The following SLC9A3 variants were observed in gnomAD, a reference collection of about 807,000 sequenced individuals.
SLC9A3 encodes the protein solute carrier family 9 member A3.
SLC9A3 carries 37 observed loss-of-function variants against 86.8 expected under a neutral mutation model. The observed-to-expected ratio is 0.43, with a 90% CI of 0.33 to 0.56. The LOEUF (loss-of-function observed/expected upper bound fraction) is 0.56, where lower values mean the gene tolerates loss of function less well. SLC9A3 is among the 20% of genes least tolerant of loss of function. The pLI, the probability that SLC9A3 is intolerant of heterozygous loss-of-function variation, is 0.06. For synonymous variants in SLC9A3, 581 were observed against 528.3 expected (o/e 1.10, Z -1.37); for missense variants, 1,011 against 1,171.9 (o/e 0.86, Z 2.00).
intron 2 of SLC9A3, among the ~76,000 whole-genome samples, chr5:489,334 C>T (rs1384119200): frequency 6.6e-6 from 1 of 152,170 alleles, no homozygotes; most frequent in Non-Finnish European, 1.5e-5. Context: ...GAGGGGGAGG[C>T]CCCCGACGAG....
At chr5:489,814 C>T (rs533132903) in intron 2 of SLC9A3, among the ~76,000 whole-genome samples, 89 of 152,330 alleles carry the variant, frequency 5.8e-4, no homozygotes, top group Middle Eastern at 3.4e-3. Context: ...TCAGACTCCC[C>T]GGCCGGCAGC....
chr5:504,394 C>T lies in SLC9A3; in HGVS notation c.212-12323G>A, dbSNP rs570828725. On this transcript the variant is annotated intron_variant, in intron 1 of 16. Transcript: ENST00000264938. The stretch of plus-strand genomic sequence containing the variant: ...CCGGGGCTGCAGCCAGGGCCCAGGG[C>T]GGTGGACATGCAGGGTCCAGGACTG... Among the ~76,000 whole-genome samples the T allele has an allele frequency of 1.6e-3, 241 of 152,348 alleles. 3 individuals are homozygous for T. The highest frequency in any genetic ancestry group is 1.5e-3 in the Non-Finnish European group (100 of 68,034).
At chr5:494,386 G>C (rs1739928122) in intron 1 of SLC9A3, among the ~76,000 whole-genome samples, 1 of 152,196 alleles carries the variant, frequency 6.6e-6, no homozygotes, top group African/African-American at 2.4e-5. Context: ...GGGCCTGCGA[G>C]GGGAAGGCTG....
At chr5:510,583 T>C (rs1469650308) in intron 1 of SLC9A3, among the ~76,000 whole-genome samples, 1 of 152,214 alleles carries the variant, frequency 6.6e-6, no homozygotes, top group Admixed American at 6.5e-5. Flanking sequence ...CATGGATGCA[T>C]GAGCTCTCTG....
At chr5:482,786 C>A in intron 6 of SLC9A3, 36 bp from the exon 7 acceptor site, 1 of 1,535,424 alleles carries the variant, frequency 6.5e-7, no homozygotes, top group Non-Finnish European at 8.8e-7. Flanking sequence ...GCTCCCCGGC[C>A]GCCCTCCCAG....
At chr5:474,100 G>A (rs1192799377) in intron 16 of SLC9A3, among the ~76,000 whole-genome samples, 2 of 151,438 alleles carry the variant, frequency 1.3e-5, no homozygotes, top group Non-Finnish European at 3.0e-5. Flanking sequence ...GAGAGAGAGC[G>A]CGCCAGGTTC....
intron 1 of SLC9A3, among the ~76,000 whole-genome samples, chr5:492,662 G>C (rs534627126): frequency 5.9e-5 from 9 of 151,732 alleles, no homozygotes; most frequent in South Asian, 2.1e-4. Context: ...CGGTGGTCGG[G>C]GGGGGGCCTC....
At chr5:475,908 G>A (rs1738696450) in intron 14 of SLC9A3, 112 bp downstream of exon 14, 8 of 971,410 alleles carry the variant, frequency 8.2e-6, no homozygotes, top group African/African-American at 6.6e-5. Context: ...CTGGGTGGCT[G>A]GAGGGTCCCC....
At chr5:476,748 G>A in intron 11 of SLC9A3, 76 bp from the exon 12 acceptor site, 6 of 1,551,664 alleles carry the variant, frequency 3.9e-6, no homozygotes, top group Non-Finnish European at 5.2e-6. Flanking sequence ...CCTTCCCACG[G>A]CGGGCATCTG....
intron 9 of SLC9A3, 65 bp downstream of exon 9, chr5:481,500 C>T (rs1027602363): frequency 6.6e-6 from 9 of 1,361,408 alleles, no homozygotes; most frequent in Non-Finnish European, 7.4e-6. Flanking sequence ...TCTGGTTCTT[C>T]CGAGTGGAGG....
At chr5:522,378 GC>G (rs1733908477) in intron 1 of SLC9A3, among the ~76,000 whole-genome samples, 1 of 152,224 alleles carries the variant, frequency 6.6e-6, no homozygotes, top group African/African-American at 2.4e-5. Context: ...GCTGGCTGGT[GC>G]CTGGCGGCTG....
chr5:521,817 C>T (rs915515289), intron 1 of SLC9A3, among the ~76,000 whole-genome samples: 5 of 151,996 alleles, frequency 3.3e-5, no homozygotes, highest in African/African-American at 1.2e-4. Flanking sequence ...ACAAGGAGGA[C>T]GGTCTGGGCC....
chr5:482,611 G>A lies in SLC9A3; in HGVS notation c.1293C>T (p.Val431=), dbSNP rs145752665. 3 of 1,612,756 alleles carry A rather than the reference G, an allele frequency of 1.9e-6. No homozygotes were observed. In the African/African-American group the frequency reaches 4.0e-5, roughly 22 times the overall value. Residue 431 remains valine, a synonymous_variant, in exon 7 of 17, where the codon GTC becomes GTT. Coordinates refer to ENST00000264938, the MANE Select transcript of SLC9A3 (RefSeq NM_004174.4). ...ALVVLLDGDK[V]KEKNLFVSTT... ...TGCTGACGAACAGGTTCTTCTCCTT[G>A]ACCTTGTCTCCATCCAGAAGCACCA...
At position 473,338 on chromosome 5, in the gene SLC9A3, G is replaced by T; in HGVS notation, c.*41C>A. The T allele has an allele frequency of 1.4e-6, 2 of 1,413,152 alleles. No individual in the cohort carries two copies. Among genetic ancestry groups the T allele is most frequent in the Non-Finnish European group, 1.9e-6 (2 of 1,077,630 alleles). The allele number at this position is 1,413,152 out of a possible 1,614,324, so 87.5% of individuals were successfully genotyped here. ...GCGGCGGCGGTGGGCGGACCGTGGC[G>T]CGGGGACGAGCGGCCGGTTAGCGGC... On this transcript the variant is annotated 3_prime_UTR_variant, in exon 17 of 17. Coordinates refer to ENST00000264938, the MANE Select transcript of SLC9A3 (RefSeq NM_004174.4).
At chr5:503,913 C>T (rs902981325) in intron 1 of SLC9A3, among the ~76,000 whole-genome samples, 1 of 152,206 alleles carries the variant, frequency 6.6e-6, no homozygotes, top group African/African-American at 2.4e-5. Context: ...GAAGACTGGG[C>T]CCCCAGAGCT....
In SLC9A3 at chr5:490,121, C is replaced by T. The variant is rs572890675; in HGVS notation, c.515-1645G>A. ...GACTCCCAGGAATGGGATGGACCTG[C>T]CGGCCATGGGCATCTCTGTTCCAGA... is the stretch of plus-strand genomic sequence containing the variant. On this transcript the variant is annotated intron_variant, in intron 2 of 16. Transcript: ENST00000264938. Among the ~76,000 whole-genome samples, 531 of 91,164 alleles carry T rather than the reference C, an allele frequency of 5.8e-3. 15 individuals are homozygous for T. Among genetic ancestry groups the T allele is most frequent in the Admixed American group, 0.05 (510 of 10,136 alleles). 59.8% of individuals were successfully genotyped at this position (91,164 alleles called of 152,430 possible).
At chr5:520,512 G>A (rs772647810) in intron 1 of SLC9A3, among the ~76,000 whole-genome samples, 3 of 152,048 alleles carry the variant, frequency 2.0e-5, no homozygotes, top group Non-Finnish European at 4.4e-5. Context: ...GCTGTCCACC[G>A]CCCTGATGCC....
At chr5:522,414 T>A (rs1277085561) in intron 1 of SLC9A3, among the ~76,000 whole-genome samples, 2 of 152,180 alleles carry the variant, frequency 1.3e-5, no homozygotes, top group African/African-American at 4.8e-5. Flanking sequence ...GATGCCAGAT[T>A]CTGACTCTGT....
rs1738315677 is a variant in SLC9A3 at position 470,821 on chromosome 5, CAATTT to C, written c.*2553_*2557del. On this transcript the variant is annotated 3_prime_UTR_variant, in exon 17 of 17. Transcript: ENST00000264938. ...CAGAAGTGAGAAATAGTGATTTCCT[CAATTT>C]GTTTATAGTCTATCACAAAGTAGGC... 1 of 152,290 alleles carries C rather than the reference CAATTT, an allele frequency of 6.6e-6. No homozygotes were observed. The highest frequency in any genetic ancestry group is 2.4e-5 in the African/African-American group (1 of 41,426). 9.4% of individuals were successfully genotyped at this position (152,290 alleles called of 1,614,324 possible).
Sources: gnomAD v4.1 joint callset for allele counts (sites outside exome capture counted in the v4.1 genomes callset) on GRCh38, gnomAD v4.1.1 for gene constraint, MANE v1.5 for transcripts, NCBI Gene and HGNC (gene_info 2026-07-23, HGNC 2026-07-21) for gene names.